ALDH3A2: variants seen among roughly 807,000 people sequenced by gnomAD.
ALDH3A2 encodes the protein aldehyde dehydrogenase family 3 member A2.
A neutral mutation model predicts 51.3 loss-of-function variants in ALDH3A2; 36 were observed. The ratio of observed to expected loss-of-function variants is 0.70; its 90% CI spans 0.54 to 0.93. The LOEUF is 0.93. Ranked by LOEUF, ALDH3A2 falls within the 40% of genes least tolerant of loss-of-function variation. The pLI, the probability that ALDH3A2 is intolerant of heterozygous loss-of-function variation, is 0.00. For synonymous variants in ALDH3A2, 199 were observed against 219.8 expected, an observed-to-expected ratio of 0.91 and a Z score of 0.84; for missense variants, 552 against 603.1, an observed-to-expected ratio of 0.92 and a Z score of 0.89.
chr17:19,654,560 T>G lies in ALDH3A2; in HGVS notation c.472-1806T>G, dbSNP rs2084867997. Reference sequence around the variant, plus strand: ...CACCCTCCTCAGCAGCTGGCCCAGGTGCTAAGCCCCTCATTGCCCAGGGCT... The same window carrying G: ...CACCCTCCTCAGCAGCTGGCCCAGGGGCTAAGCCCCTCATTGCCCAGGGCT... On this transcript the variant is annotated intron_variant, in intron 3 of 9. Transcript: ENST00000176643. This position sits in a 1 kb window ranked among gnomAD's most constrained non-coding sequence, Gnocchi z 4.5. Among the ~76,000 whole-genome samples, 1 of 152,078 alleles carries G rather than the reference T, an allele frequency of 6.6e-6. No homozygotes were observed. The highest frequency in any genetic ancestry group is 2.1e-4 in the South Asian group (1 of 4,828).
At position 19,649,083 on chromosome 17, in the gene ALDH3A2, G is replaced by C. The variant is rs1355084468; in HGVS notation, c.112G>C (p.Glu38Gln). 4 of 1,583,502 alleles carry C rather than the reference G, an allele frequency of 2.5e-6. No homozygotes were observed. The South Asian group carries it at 4.6e-5, about 18-fold the overall frequency. ...EALRRMVQER[E>Q]KDILTAIAAD... ...CCTGCGGAGGATGGTGCAGGAGCGCGAGAAGGATATCCTGACGGCCATCGC... is the reference window on the plus strand; with the variant it reads ...CCTGCGGAGGATGGTGCAGGAGCGCCAGAAGGATATCCTGACGGCCATCGC... The change falls in exon 1 of 10, where the codon GAG (glutamate) becomes CAG (glutamine). Residue 38 changes from glutamate to glutamine, a missense_variant. Physicochemically the swap from Glu to Gln is conservative, Grantham distance 29 (BLOSUM62 2). Coordinates refer to ENST00000176643, the MANE Select transcript of ALDH3A2 (RefSeq NM_000382.3).
intron 9 of ALDH3A2, 46 bp downstream of exon 9, chr17:19,672,002 T>A (rs1346316986): frequency 1.3e-6 from 2 of 1,517,494 alleles, no homozygotes; most frequent in Non-Finnish European, 1.8e-6. Flanking sequence ...GGTCCTGGCC[T>A]GATGGCTGCC....
chr17:19,673,628 G>A (rs1358966525), intron 9 of ALDH3A2, among the ~76,000 whole-genome samples: 1 of 151,974 alleles, frequency 6.6e-6, no homozygotes, highest in Non-Finnish European at 1.5e-5. Flanking sequence ...TGAGGCAGGA[G>A]AATTGCTTTA....
chr17:19,650,726 T>C (rs1452648612), intron 1 of ALDH3A2, among the ~76,000 whole-genome samples: 1 of 152,212 alleles, frequency 6.6e-6, no homozygotes, highest in Non-Finnish European at 1.5e-5. Context: ...GTGCTGGGAT[T>C]ATAGACGTGA....
In ALDH3A2 at chr17:19,648,922, T is replaced by C; in HGVS notation, c.-50T>C. 6.5e-7 allele frequency: 1 copy of C among 1,542,904 alleles called. No homozygotes were observed. Among genetic ancestry groups the C allele is most frequent in the Non-Finnish European group, 8.7e-7 (1 of 1,142,962 alleles). On this transcript the variant is annotated 5_prime_UTR_variant, in exon 1 of 10. Transcript: ENST00000176643. Reference sequence around the variant, plus strand: ...GGCCTGCACCTGCATGCTTCCCGCCTCCCACTCCCCAGCGCCCCCGGACCG... The same window carrying C: ...GGCCTGCACCTGCATGCTTCCCGCCCCCCACTCCCCAGCGCCCCCGGACCG...
intron 5 of ALDH3A2, among the ~76,000 whole-genome samples, chr17:19,658,241 A>G (rs1203923271): frequency 1.3e-5 from 2 of 152,178 alleles, no homozygotes; most frequent in African/African-American, 4.8e-5. Flanking sequence ...GTTTTTGTGT[A>G]TGTAGAGGGC....
intron 5 of ALDH3A2, 141 bp downstream of exon 5, chr17:19,658,003 T>C: frequency 1.4e-6 from 1 of 716,122 alleles, no homozygotes; most frequent in East Asian, 2.7e-5. Flanking sequence ...TATTGACTAA[T>C]ATGAAAATGC....
In ALDH3A2 at chr17:19,649,144, G is replaced by A. The variant is rs774495644; in HGVS notation, c.153+20G>A. On this transcript the variant is annotated intron_variant, in intron 1 of 9. Transcript: ENST00000176643. ...TGCAAGGTACGCACGCGTGCGGCGGGGTGTGGGGAAACTGGCCCCCGCCGC... is the reference window on the plus strand; with the variant it reads ...TGCAAGGTACGCACGCGTGCGGCGGAGTGTGGGGAAACTGGCCCCCGCCGC... 2.0e-5 allele frequency: 31 copies of A among 1,550,300 alleles called. 1 individual carries two copies. In the East Asian group the frequency reaches 6.8e-4, roughly 34 times the overall value.
At chr17:19,666,049 A>C (rs2085032441) in intron 8 of ALDH3A2, among the ~76,000 whole-genome samples, 1 of 152,108 alleles carries the variant, frequency 6.6e-6, no homozygotes, top group Admixed American at 6.5e-5. Context: ...GACATGAGTG[A>C]GGGACAGGCG....
At chr17:19,657,205 C>T (rs554611803) in intron 4 of ALDH3A2, among the ~76,000 whole-genome samples, 2 of 152,348 alleles carry the variant, frequency 1.3e-5, no homozygotes, top group South Asian at 4.1e-4. Context: ...TTTGTCAAAA[C>T]CAGACACCCT....
chr17:19,660,640 A>C (rs546781211), intron 5 of ALDH3A2, among the ~76,000 whole-genome samples: 2 of 152,260 alleles, frequency 1.3e-5, no homozygotes, highest in Admixed American at 6.5e-5. Flanking sequence ...CCAAAACAAC[A>C]AAGTGGAGCA....
intron 9 of ALDH3A2, among the ~76,000 whole-genome samples, chr17:19,673,822 T>A (rs1399930180): frequency 6.6e-6 from 1 of 152,218 alleles, no homozygotes; most frequent in Non-Finnish European, 1.5e-5. Context: ...TCCACAATTT[T>A]AAAAGGGTGA....
rs1342403694 is a variant in ALDH3A2 at position 19,654,808 on chromosome 17, T to C, written c.472-1558T>C. ...AAGGGCTCCTCAAGCGTGGCGAGAG[T>C]GGGTGCCAAGGCCAAGGAGGTGCTG... On this transcript the variant is annotated intron_variant, in intron 3 of 9. Transcript: ENST00000176643. The surrounding 1 kb of genome is among the most constrained non-coding windows in gnomAD (Gnocchi z 4.5). 2.0e-5 allele frequency among the ~76,000 whole-genome samples: 3 copies of C among 151,396 alleles called. No individual in the cohort carries two copies. Among genetic ancestry groups the C allele is most frequent in the Non-Finnish European group, 4.4e-5 (3 of 67,846 alleles).
chr17:19,648,905 C>A lies in ALDH3A2; in HGVS notation c.-67C>A. 1 of 1,530,848 alleles carries A rather than the reference C, an allele frequency of 6.5e-7. No homozygotes were observed. The highest frequency in any genetic ancestry group is 8.8e-7 in the Non-Finnish European group (1 of 1,137,274). The allele number at this position is 1,530,848 out of a possible 1,614,324, so 94.8% of individuals were successfully genotyped here. On this transcript the variant is annotated 5_prime_UTR_variant, in exon 1 of 10. Coordinates refer to ENST00000176643, the MANE Select transcript of ALDH3A2 (RefSeq NM_000382.3). ...GGAGGGAAGGGAGGCGAGGCCTGCA[C>A]CTGCATGCTTCCCGCCTCCCACTCC... is the stretch of plus-strand genomic sequence containing the variant.
At chr17:19,658,786 G>T (rs2084930875) in intron 5 of ALDH3A2, among the ~76,000 whole-genome samples, 1 of 150,726 alleles carries the variant, frequency 6.6e-6, no homozygotes, top group South Asian at 2.1e-4. Context: ...ATGACCAAAT[G>T]ACCAGTGTGA....
intron 8 of ALDH3A2, among the ~76,000 whole-genome samples, chr17:19,665,376 C>CGTGTGTGTGTGT (rs34642385): frequency 0.014 from 2,090 of 144,996 alleles, 53 homozygotes; most frequent in African/African-American, 0.046. Context: ...GATCTCTCTT[C>CGTGTGTGTGTGT]GTGTGTGTGT....
Position 19,652,692 on chromosome 17 carries a change from T to C in ALDH3A2, c.471+60T>C, listed in dbSNP as rs2084832758. 8 of 1,402,988 alleles carry C rather than the reference T, an allele frequency of 5.7e-6. No homozygotes were observed. In the East Asian group the frequency reaches 1.8e-4, roughly 32 times the overall value. The allele number at this position is 1,402,988 out of a possible 1,614,324, so 86.9% of individuals were successfully genotyped here. A position where few individuals can be genotyped will look rare whatever the true frequency, so the allele number is the denominator to read the frequency against. ...TTTACTGTGGAAAACACACATTTTA[T>C]TTTCTTGCTATTGCATGTTATTGCT... is the stretch of plus-strand genomic sequence containing the variant. On this transcript the variant is annotated intron_variant, in intron 3 of 9. Transcript: ENST00000176643.
rs1307752082 is a variant in ALDH3A2, at chr17:19,670,343, A to G, written c.1208-1378A>G. On this transcript the variant is annotated intron_variant, in intron 8 of 9. Coordinates refer to ENST00000176643, the MANE Select transcript of ALDH3A2 (RefSeq NM_000382.3). ...TTATATAGCCCTTTTATATCTTTCA[A>G]CAAAACTTTGTAATTTCCTTCATGT... Among the ~76,000 whole-genome samples, 3 of 152,018 alleles carry G rather than the reference A, an allele frequency of 2.0e-5. No individual in the cohort carries two copies. In the East Asian group the frequency reaches 5.8e-4, roughly 29 times the overall value.
chr17:19,668,284 G>C (rs2085066104), intron 8 of ALDH3A2, among the ~76,000 whole-genome samples: 1 of 152,038 alleles, frequency 6.6e-6, no homozygotes, highest in African/African-American at 2.4e-5. Context: ...GTCTCACTCT[G>C]TCACCCAGGG....
Sources: gnomAD v4.1 joint callset for allele counts (sites outside exome capture counted in the v4.1 genomes callset) on GRCh38, gnomAD v4.1.1 for gene constraint, Gnocchi (gnomAD v3.1) non-coding constraint, MANE v1.5 for transcripts, NCBI Gene and HGNC (gene_info 2026-07-23, HGNC 2026-07-21) for gene names.